The following PRSS55 variants were observed in gnomAD, a reference collection of about 807,000 sequenced individuals.
PRSS55 encodes the protein serine protease 55, also known as probable serine protease UNQ9391/PRO34284.
A neutral mutation model predicts 23.6 loss-of-function variants in PRSS55; 41 were observed. That is an observed-to-expected ratio of 1.74 (90% CI 1.35 to 2.26). The LOEUF (loss-of-function observed/expected upper bound fraction) is 2.26, where lower values mean the gene tolerates loss of function less well. PRSS55 is among the 30% of genes most tolerant of loss of function. The probability of loss-of-function intolerance (pLI) is 0.00; values close to 1 mark genes in which losing one functional copy is unlikely to be tolerated. For missense variants in PRSS55, 669 were observed against 439.1 expected, an observed-to-expected ratio of 1.52 and a Z score of -4.68; for synonymous variants, 262 against 175.5, an observed-to-expected ratio of 1.49 and a Z score of -3.90.
downstream of PRSS55, among the ~76,000 whole-genome samples, chr8:10,540,080 C>G (rs1001501572): frequency 6.6e-6 from 1 of 152,210 alleles, no homozygotes; most frequent in Non-Finnish European, 1.5e-5. Flanking sequence ...GACCTCCCTC[C>G]ATGGCTCAGC....
downstream of PRSS55, chr8:10,540,592 G>T (rs998223016): frequency 6.6e-6 from 1 of 152,196 alleles, no homozygotes; most frequent in African/African-American, 2.4e-5. Context: ...GCGGGCACCT[G>T]TAATCCCAGC....
chr8:10,544,982 C>T, intron 4 of PRSS55: 1 of 984,250 alleles, frequency 1.0e-6, no homozygotes, highest in African/African-American at 1.7e-5. Flanking sequence ...GGACAGAAAA[C>T]TGACTGTGTG....
chr8:10,531,203 A>T, intron 2 of PRSS55, 92 bp from the exon 3 acceptor site: 1 of 1,493,326 alleles, frequency 6.7e-7, no homozygotes, highest in Non-Finnish European at 9.2e-7. Context: ...CTAGAGCTAC[A>T]TGGGATTTAG....
chr8:10,544,437 C>G (rs1812761763), intron 4 of PRSS55, among the ~76,000 whole-genome samples: 2 of 152,142 alleles, frequency 1.3e-5, no homozygotes, highest in Non-Finnish European at 1.5e-5. Context: ...GTAGACAACA[C>G]ATAGAACTTG....
downstream of PRSS55, among the ~76,000 whole-genome samples, chr8:10,541,793 C>T (rs1257656990): frequency 1.3e-5 from 2 of 152,140 alleles, no homozygotes; most frequent in Non-Finnish European, 2.9e-5. Context: ...TGGCCTCACT[C>T]TGTCGCCCAG....
intron 1 of PRSS55, 146 bp downstream of exon 1, chr8:10,525,885 C>A (rs1563532586): frequency 1.1e-6 from 1 of 894,578 alleles, no homozygotes. Flanking sequence ...TCTCTCCTCT[C>A]TCCCCTGGCC....
intron 4 of PRSS55, among the ~76,000 whole-genome samples, chr8:10,537,765 A>T (rs142302649): frequency 1.6e-3 from 241 of 152,244 alleles, no homozygotes; most frequent in African/African-American, 5.2e-3. Context: ...ATAAAAAGAA[A>T]ATCCTGGGTT....
intron 4 of PRSS55, among the ~76,000 whole-genome samples, chr8:10,537,778 A>G (rs1458545117): frequency 6.6e-6 from 1 of 152,226 alleles, no homozygotes; most frequent in Non-Finnish European, 1.5e-5. Context: ...CCTGGGTTCC[A>G]ATCCCAGCCA....
intron 4 of PRSS55, among the ~76,000 whole-genome samples, chr8:10,552,497 A>C (rs1812972588): frequency 6.6e-6 from 1 of 151,974 alleles, no homozygotes; most frequent in African/African-American, 2.4e-5. Flanking sequence ...AACCTTTGGA[A>C]TGGGAGAAAA....
intron 1 of PRSS55, 102 bp downstream of exon 1, chr8:10,525,841 C>T: frequency 1.7e-6 from 2 of 1,190,670 alleles, no homozygotes; most frequent in South Asian, 3.2e-5. Context: ...CTCCAGGGCT[C>T]CCCACATACC....
intron 4 of PRSS55, chr8:10,545,036 C>T (rs886240575): frequency 1.0e-6 from 1 of 984,660 alleles, no homozygotes; most frequent in African/African-American, 1.7e-5. Context: ...GTGGCCTGCA[C>T]CTGTGCTTCT....
chr8:10,533,128 T>C (rs910449122), intron 4 of PRSS55, 80 bp downstream of exon 4: 1 of 1,445,426 alleles, frequency 6.9e-7, no homozygotes, highest in African/African-American at 1.4e-5. Flanking sequence ...CTCTCTCTGC[T>C]GCAAATAGAC....
downstream of PRSS55, among the ~76,000 whole-genome samples, chr8:10,542,224 G>C (rs28373124): frequency 0.64 from 96,941 of 151,834 alleles, 31,856 homozygotes; most frequent in South Asian, 0.77. Context: ...AGTGTAGTGT[G>C]TAAACTGCAC....
At chr8:10,553,835 G>A in intron 4 of PRSS55, 5 of 684,682 alleles carry the variant, frequency 7.3e-6, no homozygotes, top group African/African-American at 1.8e-5. Flanking sequence ...ATGTTAATTA[G>A]TTTAATTGGA....
intron 4 of PRSS55, among the ~76,000 whole-genome samples, chr8:10,545,680 A>G (rs886068016): frequency 6.6e-6 from 1 of 152,216 alleles, no homozygotes; most frequent in African/African-American, 2.4e-5. Flanking sequence ...TTGGATTGGA[A>G]TGAAGCTTTC....
chr8:10,553,889 T>C, intron 4 of PRSS55: 1 of 1,234,538 alleles, frequency 8.1e-7, no homozygotes, highest in Non-Finnish European at 1.1e-6. Flanking sequence ...CACCACATTG[T>C]ACAATAAATA....
downstream of PRSS55, chr8:10,538,964 A>G (rs1812557397): frequency 3.6e-6 from 2 of 562,762 alleles, no homozygotes; most frequent in South Asian, 7.0e-5. Flanking sequence ...GGGTCTGTGG[A>G]TTAGTCAGGA....
chr8:10,543,478 C>T (rs55837020), downstream of PRSS55, among the ~76,000 whole-genome samples: 67,447 of 100,160 alleles, frequency 0.67, 22,395 homozygotes, highest in South Asian at 0.79. Flanking sequence ...CTTTCTTTCT[C>T]TCTTTTTTTT....
intron 4 of PRSS55, among the ~76,000 whole-genome samples, chr8:10,546,222 T>C (rs1812814423): frequency 1.3e-5 from 2 of 152,084 alleles, no homozygotes; most frequent in Admixed American, 1.3e-4. Context: ...ATGAGAATCA[T>C]TGCATGGACA....
Sources: allele counts gnomAD v4.1 joint callset (sites outside exome capture counted in the v4.1 genomes callset), GRCh38; gene constraint gnomAD v4.1.1; transcripts MANE v1.5; gene names NCBI Gene and HGNC (gene_info 2026-07-23, HGNC 2026-07-21).